The following BTC variants were observed in gnomAD, a reference collection of about 807,000 sequenced individuals.
The protein encoded by BTC is probetacellulin.
Under a neutral mutation model 18.1 loss-of-function variants are expected in BTC, and 13 were observed. The ratio of observed to expected loss-of-function variants is 0.72; its 90% CI spans 0.47 to 1.14. The LOEUF (loss-of-function observed/expected upper bound fraction) is 1.14. Ranked by LOEUF, BTC falls within the 50% of genes most tolerant of loss-of-function variation. BTC has a pLI of 0.00. For missense variants in BTC, 247 were observed against 224.2 expected (o/e 1.10, Z -0.65); for synonymous variants, 83 against 79.4 (o/e 1.05, Z -0.24).
intron 3 of BTC, among the ~76,000 whole-genome samples, 174 bp from the exon 4 acceptor site, chr4:74,750,893 T>C (rs1415150688): frequency 6.6e-6 from 1 of 152,218 alleles, no homozygotes; most frequent in Non-Finnish European, 1.5e-5. Flanking sequence ...TTTTTTTGCT[T>C]TGCTGAATAC....
At chr4:74,776,757 G>C (rs1419161549) in intron 1 of BTC, among the ~76,000 whole-genome samples, 2 of 152,090 alleles carry the variant, frequency 1.3e-5, no homozygotes, top group South Asian at 2.1e-4. Flanking sequence ...CGTTGTATTT[G>C]CCTCATCTCT....
chr4:74,773,566 G>T (rs1199767517), intron 1 of BTC, among the ~76,000 whole-genome samples: 2 of 151,944 alleles, frequency 1.3e-5, no homozygotes, highest in East Asian at 1.9e-4. Context: ...ACAGACACAG[G>T]TATTATCATT....
intron 5 of BTC, among the ~76,000 whole-genome samples, chr4:74,746,907 T>A (rs1724307301): frequency 6.6e-6 from 1 of 152,170 alleles, no homozygotes; most frequent in African/African-American, 2.4e-5. Flanking sequence ...GACACTACTC[T>A]CTCATACTGG....
intron 4 of BTC, among the ~76,000 whole-genome samples, chr4:74,748,576 C>T (rs952700914): frequency 1.3e-5 from 2 of 152,030 alleles, no homozygotes; most frequent in African/African-American, 4.8e-5. Context: ...CCATCTCTTT[C>T]TCTAGGTTCA....
At chr4:74,793,240 C>A in intron 1 of BTC, among the ~76,000 whole-genome samples, 1 of 152,208 alleles carries the variant, frequency 6.6e-6, no homozygotes, top group East Asian at 1.9e-4. Flanking sequence ...GGTCCTAAGT[C>A]TGATCCACCT....
At chr4:74,770,687 C>A (rs569797241) in intron 1 of BTC, among the ~76,000 whole-genome samples, 2 of 151,918 alleles carry the variant, frequency 1.3e-5, no homozygotes, top group Non-Finnish European at 2.9e-5. Flanking sequence ...ACATGTTTTA[C>A]GAGGGAGAGA....
Position 74,747,044 on chromosome 4 carries a change from G to T in BTC, c.*2-369C>A, listed in dbSNP as rs189757416. On this transcript the variant is annotated intron_variant, in intron 5 of 5. Transcript: ENST00000395743. The stretch of plus-strand genomic sequence containing the variant: ...AGAGGGAAATAATCTGGTTCCTTAC[G>T]TGTGAGCCTCTGGTTTGACAAGTGT... 1.2e-4 allele frequency among the ~76,000 whole-genome samples: 19 copies of T among 152,300 alleles called. No individual in the cohort carries two copies. The East Asian group carries it at 3.3e-3, about 26-fold the overall frequency.
intron 1 of BTC, among the ~76,000 whole-genome samples, chr4:74,788,408 C>T (rs911054174): frequency 1.3e-5 from 2 of 152,156 alleles, no homozygotes; most frequent in Admixed American, 6.5e-5. Flanking sequence ...AATAAATTAT[C>T]CTTTTCTGAG....
At chr4:74,774,887 C>T (rs563141150) in intron 1 of BTC, among the ~76,000 whole-genome samples, 2 of 151,920 alleles carry the variant, frequency 1.3e-5, no homozygotes, top group South Asian at 4.2e-4. Flanking sequence ...GATTCAGACA[C>T]ACCTAAACCA....
intron 3 of BTC, among the ~76,000 whole-genome samples, chr4:74,751,165 T>G (rs1035501781): frequency 2.0e-4 from 30 of 152,324 alleles, no homozygotes; most frequent in Middle Eastern, 3.4e-3. Context: ...TGGTTTTATA[T>G]GATCAAATGT....
chr4:74,782,315 CACA>C, intron 1 of BTC, among the ~76,000 whole-genome samples: 3 of 152,182 alleles, frequency 2.0e-5, no homozygotes, highest in African/African-American at 7.2e-5. Flanking sequence ...TCCATGTGTT[CACA>C]TCATTCAGCT....
chr4:74,785,993 A>G (rs1725468828), intron 1 of BTC, among the ~76,000 whole-genome samples: 1 of 152,190 alleles, frequency 6.6e-6, no homozygotes, highest in South Asian at 2.1e-4. Context: ...TATTGTGAAG[A>G]TCAAATGAGA....
chr4:74,781,415 G>GTGTGTGTA (rs539200922), intron 1 of BTC, among the ~76,000 whole-genome samples: 81 of 151,134 alleles, frequency 5.4e-4, no homozygotes, highest in African/African-American at 1.8e-3. Context: ...GTGTGTGTGT[G>GTGTGTGTA]TGGCTTCAGT....
chr4:74,782,396 C>T (rs900401958), intron 1 of BTC, among the ~76,000 whole-genome samples: 1 of 152,112 alleles, frequency 6.6e-6, no homozygotes, highest in African/African-American at 2.4e-5. Context: ...AAGATAATGG[C>T]TTCCAACTTT....
At chr4:74,790,644 G>A (rs1171706188) in intron 1 of BTC, among the ~76,000 whole-genome samples, 1 of 152,176 alleles carries the variant, frequency 6.6e-6, no homozygotes, top group Admixed American at 6.5e-5. Context: ...AAGCAGACTG[G>A]AGAATATACA....
chr4:74,748,256 T>G (rs1354331018), intron 4 of BTC, 107 bp from the exon 5 acceptor site: 2 of 690,926 alleles, frequency 2.9e-6, no homozygotes, highest in African/African-American at 3.7e-5. Context: ...AAAAAAATAT[T>G]TAGGGTTCTA....
At chr4:74,771,813 A>C (rs964138639) in intron 1 of BTC, among the ~76,000 whole-genome samples, 1 of 152,240 alleles carries the variant, frequency 6.6e-6, no homozygotes, top group Non-Finnish European at 1.5e-5. Context: ...TTCAGTAATT[A>C]CATGGCTAAT....
At chr4:74,783,144 T>A (rs1725380776) in intron 1 of BTC, among the ~76,000 whole-genome samples, 1 of 152,220 alleles carries the variant, frequency 6.6e-6, no homozygotes, top group African/African-American at 2.4e-5. Flanking sequence ...TTGCAATTGC[T>A]TTTGGTGTTT....
At chr4:74,777,904 A>G (rs11941089) in intron 1 of BTC, among the ~76,000 whole-genome samples, 3,376 of 152,304 alleles carry the variant, frequency 0.022, 134 homozygotes, top group African/African-American at 0.077. Flanking sequence ...CACTAGGAGT[A>G]AAAGCAATAA....
Sources: gnomAD v4.1 joint callset for allele counts (sites outside exome capture counted in the v4.1 genomes callset) on GRCh38, gnomAD v4.1.1 for gene constraint, MANE v1.5 for transcripts, NCBI Gene and HGNC (gene_info 2026-07-23, HGNC 2026-07-21) for gene names.